The following ITFG1 variants were observed in gnomAD, a reference collection of about 807,000 sequenced individuals.
ITFG1 encodes integrin alpha FG-GAP repeat containing 1, also known as T-cell immunomodulatory protein.
In ITFG1, 34 loss-of-function variants were observed where a neutral mutation model predicts 81.8. The ratio of observed to expected loss-of-function variants is 0.42; its 90% CI spans 0.32 to 0.55. The LOEUF (loss-of-function observed/expected upper bound fraction) is 0.55, where lower values mean the gene tolerates loss of function less well. Ranked by LOEUF, ITFG1 falls within the 20% of genes least tolerant of loss-of-function variation. The probability of loss-of-function intolerance (pLI) is 0.17; values close to 1 mark genes in which losing one functional copy is unlikely to be tolerated. For missense variants in ITFG1, 672 were observed against 755.4 expected (o/e 0.89, Z 1.29); for synonymous variants, 285 against 270.6 (o/e 1.05, Z -0.52).
intron 10 of ITFG1, among the ~76,000 whole-genome samples, chr16:47,279,683 G>A (rs1486894915): frequency 2.6e-5 from 4 of 152,068 alleles, no homozygotes; most frequent in Admixed American, 6.6e-5. Flanking sequence ...ACTCTACTGC[G>A]ATTTTGATAG....
chr16:47,199,265 A>AACACCC (rs1965395251), intron 14 of ITFG1, among the ~76,000 whole-genome samples: 1 of 48,268 alleles, frequency 2.1e-5, no homozygotes, highest in Admixed American at 2.6e-4. Flanking sequence ...AGACTCCAAA[A>AACACCC]AAACCCAAAC....
At chr16:47,308,540 T>A (rs1967205863) in intron 10 of ITFG1, among the ~76,000 whole-genome samples, 1 of 152,246 alleles carries the variant, frequency 6.6e-6, no homozygotes, top group Non-Finnish European at 1.5e-5. Flanking sequence ...ATAAGCTGTC[T>A]GATTTATCTC....
rs1364077056 is a variant in ITFG1 at position 47,269,937 on chromosome 16, T to A, written c.1071-9242A>T. Among the ~76,000 whole-genome samples the A allele has an allele frequency of 3.3e-5, 5 of 152,142 alleles. 1 individual carries two copies. Among genetic ancestry groups the A allele is most frequent in the Non-Finnish European group, 1.5e-5 (1 of 68,006 alleles). ...TGCCACAAAGATGGACAATAGATCATGGGAACAGAAAAGAGAATGAAGAAA... is the reference window on the plus strand; with the variant it reads ...TGCCACAAAGATGGACAATAGATCAAGGGAACAGAAAAGAGAATGAAGAAA... On this transcript the variant is annotated intron_variant, in intron 10 of 17. Transcript: ENST00000320640.
intron 14 of ITFG1, among the ~76,000 whole-genome samples, chr16:47,189,701 T>C (rs1389792699): frequency 6.6e-6 from 1 of 152,234 alleles, no homozygotes; most frequent in Admixed American, 6.5e-5. Context: ...TTTTCTGTTC[T>C]CTTGGGAATA....
chr16:47,160,804 C>A (rs1964793073), intron 16 of ITFG1, among the ~76,000 whole-genome samples: 1 of 152,118 alleles, frequency 6.6e-6, no homozygotes, highest in Non-Finnish European at 1.5e-5. Context: ...GGAGTAGATT[C>A]TCCTACCATA....
chr16:47,191,333 C>T (rs931279678), intron 14 of ITFG1, among the ~76,000 whole-genome samples: 2 of 152,048 alleles, frequency 1.3e-5, no homozygotes, highest in Non-Finnish European at 2.9e-5. Flanking sequence ...CACATGTGGC[C>T]CAGGGTGGCT....
At chr16:47,351,870 C>T (rs533504581) in intron 8 of ITFG1, among the ~76,000 whole-genome samples, 4 of 152,196 alleles carry the variant, frequency 2.6e-5, no homozygotes, top group African/African-American at 9.6e-5. Flanking sequence ...GAGATAGAGA[C>T]CAATGGAACA....
intron 14 of ITFG1, among the ~76,000 whole-genome samples, chr16:47,192,082 A>G (rs1965299998): frequency 6.6e-6 from 1 of 152,244 alleles, no homozygotes; most frequent in Non-Finnish European, 1.5e-5. Flanking sequence ...CCTAGCCCAC[A>G]GTTATTTTAA....
At chr16:47,298,783 C>T (rs1192109420) in intron 10 of ITFG1, among the ~76,000 whole-genome samples, 1 of 152,120 alleles carries the variant, frequency 6.6e-6, no homozygotes, top group African/African-American at 2.4e-5. Context: ...CTGACCTGGT[C>T]AGTAGGTGGT....
In ITFG1 at chr16:47,260,655, T is replaced by C; in HGVS notation, c.1111A>G (p.Asn371Asp). 1 of 1,614,210 alleles carries C rather than the reference T, an allele frequency of 6.2e-7. No homozygotes were observed. The highest frequency in any genetic ancestry group is 8.5e-7 in the Non-Finnish European group (1 of 1,180,044). The change falls in exon 11 of 18, where the codon AAT (asparagine) becomes GAT (aspartate). Residue 371 changes from asparagine to aspartate, a missense_variant. Asn to Asp is a conservative substitution (Grantham distance 23, BLOSUM62 1). Around this residue, in one of 3 missense-constraint regions of ITFG1, gnomAD observed 560 missense variants for 625.7 expected, o/e 0.90. Transcript: ENST00000320640. ...AFLLENVPCN[N>D]ASCEEARRMF... is the part of the protein sequence containing the mutation. ...CGACGCGCCTCTTCACAGCTTGCAT[T>C]ATTACAAGGGACGTTCTCCAGTAAA...
chr16:47,195,127 T>C (rs1378093190), intron 14 of ITFG1, among the ~76,000 whole-genome samples: 1 of 152,208 alleles, frequency 6.6e-6, no homozygotes, highest in East Asian at 1.9e-4. Flanking sequence ...TTTGTCCTTA[T>C]AAGTTTCTTT....
At chr16:47,411,864 G>A (rs1968815601) in intron 6 of ITFG1, among the ~76,000 whole-genome samples, 1 of 152,174 alleles carries the variant, frequency 6.6e-6, no homozygotes, top group South Asian at 2.1e-4. Flanking sequence ...GAGGCGCACT[G>A]CTGAGTAAGT....
At chr16:47,405,757 T>C (rs1295817141) in intron 6 of ITFG1, among the ~76,000 whole-genome samples, 1 of 152,160 alleles carries the variant, frequency 6.6e-6, no homozygotes, top group African/African-American at 2.4e-5. Flanking sequence ...TGGTAGTTAT[T>C]ATTCTCATTA....
At chr16:47,355,618 T>C (rs1256604600) in intron 8 of ITFG1, among the ~76,000 whole-genome samples, 2 of 152,208 alleles carry the variant, frequency 1.3e-5, no homozygotes, top group Non-Finnish European at 2.9e-5. Context: ...ATACATGTAT[T>C]GAAACATCAC....
intron 6 of ITFG1, among the ~76,000 whole-genome samples, chr16:47,428,122 A>C (rs1210661372): frequency 1.3e-5 from 2 of 152,224 alleles, no homozygotes; most frequent in African/African-American, 4.8e-5. Context: ...TGCGGAACAG[A>C]GTGAGACCCT....
rs117908869 is a variant in ITFG1 at position 47,216,085 on chromosome 16, C to T, written c.1453+2783G>A. Among the ~76,000 whole-genome samples, 1,285 of 151,902 alleles carry T rather than the reference C, an allele frequency of 8.5e-3. 11 individuals carry two copies. Among genetic ancestry groups the T allele is most frequent in the Non-Finnish European group, 0.013 (904 of 67,964 alleles). On this transcript the variant is annotated intron_variant, in intron 14 of 17. Coordinates refer to ENST00000320640, the MANE Select transcript of ITFG1 (RefSeq NM_030790.5). ...CATGCTAAGTAAATATTGTTCCATT[C>T]GCTTAAAAAAATAGTAATGGGTAGT...
chr16:47,376,980 A>AAAAAAAAAAAAAAAT lies in ITFG1; in HGVS notation c.656-1041_656-1040insATTTTTTTTTTTTTT, dbSNP rs1567479313. On this transcript the variant is annotated intron_variant, in intron 6 of 17. Transcript: ENST00000320640. Reference sequence around the variant, plus strand: ...CTGTCTCCCCAAAAAAAAAAAAAAAAAAAAAAAAAAGATTCAGAGTGATGT... The same window carrying AAAAAAAAAAAAAAAT: ...CTGTCTCCCCAAAAAAAAAAAAAAAAAAAAAAAAAAAAAATAAAAAAAAAAGATTCAGAGTGATGT... Among the ~76,000 whole-genome samples, 186 of 150,164 alleles carry AAAAAAAAAAAAAAAT rather than the reference A, an allele frequency of 1.2e-3. 6 individuals are homozygous for AAAAAAAAAAAAAAAT. The highest frequency in any genetic ancestry group is 4.4e-3 in the African/African-American group (179 of 40,246).
At chr16:47,255,951 G>A (rs1966133749) in intron 12 of ITFG1, among the ~76,000 whole-genome samples, 1 of 151,960 alleles carries the variant, frequency 6.6e-6, no homozygotes, top group South Asian at 2.1e-4. Context: ...GTGAGCAAAG[G>A]TAAAATAACT....
At chr16:47,325,628 A>C (rs1481416703) in intron 8 of ITFG1, among the ~76,000 whole-genome samples, 2 of 152,208 alleles carry the variant, frequency 1.3e-5, no homozygotes, top group Non-Finnish European at 2.9e-5. Flanking sequence ...ACAATAAAAA[A>C]TGATAAAGGG....
Sources: gnomAD v4.1 joint callset for allele counts (sites outside exome capture counted in the v4.1 genomes callset) on GRCh38, gnomAD v4.1.1 for gene constraint, gnomAD v4.1.1 regional missense constraint, MANE v1.5 for transcripts, NCBI Gene and HGNC (gene_info 2026-07-23, HGNC 2026-07-21) for gene names.